The following ABLIM3 variants were observed in gnomAD, a reference collection of about 807,000 sequenced individuals.
The protein encoded by ABLIM3 is actin-binding LIM protein 3.
In ABLIM3, 61 loss-of-function variants were observed where a neutral mutation model predicts 109.5. The observed-to-expected ratio is 0.56, with a 90% confidence interval of 0.45 to 0.69. The LOEUF is 0.69. Among genes scored for constraint, ABLIM3 ranks in the 30% least tolerant of loss-of-function variants. ABLIM3 has a pLI of 0.00. For missense variants in ABLIM3, 796 were observed against 889.5 expected (o/e 0.89, Z 1.34); for synonymous variants, 300 against 324.8 (o/e 0.92, Z 0.82).
chr5:149,212,383 T>TG (rs1474641880), intron 7 of ABLIM3, among the ~76,000 whole-genome samples: 1 of 152,136 alleles, frequency 6.6e-6, no homozygotes. Context: ...TGTGACTCAC[T>TG]GGGCAAGGGA....
At chr5:149,213,519 G>C (rs1278782369) in intron 7 of ABLIM3, among the ~76,000 whole-genome samples, 1 of 152,224 alleles carries the variant, frequency 6.6e-6, no homozygotes, top group East Asian at 1.9e-4. Context: ...TTGCAGAACT[G>C]TGGGGAAGAG....
chr5:149,246,410 A>G (rs76694892), intron 16 of ABLIM3, 72 bp from the exon 17 acceptor site: 1 of 280,594 alleles, frequency 3.6e-6, no homozygotes, highest in South Asian at 5.0e-5. Flanking sequence ...TTTCTTTTTT[A>G]AAAAAAAAAT....
intron 20 of ABLIM3, among the ~76,000 whole-genome samples, chr5:149,250,921 C>T (rs1181085275): frequency 6.6e-6 from 1 of 152,190 alleles, no homozygotes; most frequent in African/African-American, 2.4e-5. Context: ...CAGCTGATCC[C>T]ACAGCCCACC....
chr5:149,208,105 A>C (rs1404246048), intron 6 of ABLIM3, among the ~76,000 whole-genome samples: 4 of 152,264 alleles, frequency 2.6e-5, no homozygotes, highest in Non-Finnish European at 5.9e-5. Flanking sequence ...TGCTGCGTTC[A>C]TGAAGAATTA....
chr5:149,224,134 G>A (rs966365587), intron 8 of ABLIM3, among the ~76,000 whole-genome samples: 1 of 152,116 alleles, frequency 6.6e-6, no homozygotes, highest in Non-Finnish European at 1.5e-5. Context: ...TTGTTATAAA[G>A]TGTGTGACAC....
chr5:149,175,344 C>T (rs1260254529), intron 2 of ABLIM3, among the ~76,000 whole-genome samples: 1 of 152,178 alleles, frequency 6.6e-6, no homozygotes. Context: ...GGGTGGCTTC[C>T]TAGCTTTTGA....
At chr5:149,156,051 A>T (rs528451051) in intron 2 of ABLIM3, among the ~76,000 whole-genome samples, 1 of 152,286 alleles carries the variant, frequency 6.6e-6, no homozygotes, top group Admixed American at 6.5e-5. Context: ...TGCGAGGGAG[A>T]GTGTGGGGAT....
chr5:149,252,241 AG>A, intron 22 of ABLIM3, 33 bp downstream of exon 22: 2 of 1,609,764 alleles, frequency 1.2e-6, no homozygotes, highest in South Asian at 2.2e-5. Flanking sequence ...GGGGGTCTCC[AG>A]GATTCTTGGA....
rs77612120 is a variant in ABLIM3 at position 149,147,101 on chromosome 5, C to T, written c.13+4993C>T. Among the ~76,000 whole-genome samples, 1,066 of 151,384 alleles carry T rather than the reference C, an allele frequency of 7.0e-3. 10 individuals are homozygous for T. Among genetic ancestry groups the T allele is most frequent in the Non-Finnish European group, 9.6e-3 (648 of 67,728 alleles). On this transcript the variant is annotated intron_variant, in intron 2 of 23. Coordinates refer to ENST00000309868, the MANE Select transcript of ABLIM3 (RefSeq NM_014945.5). The stretch of plus-strand genomic sequence containing the variant: ...TCTCTCTCTCTCTCGCTCGCTTGCT[C>T]GCTCTCTGTGTATGTGTGTGTGTGT...
rs976429811 is a variant in ABLIM3 at position 149,259,399 on chromosome 5, A to G, written c.*995A>G. ...GCTCCAACTGAACAACCAGACAGAC[A>G]ACTCTCATCATCCTCCAGAGAGAAA... On this transcript the variant is annotated 3_prime_UTR_variant, in exon 24 of 24. Coordinates refer to ENST00000309868, the MANE Select transcript of ABLIM3 (RefSeq NM_014945.5). 17 of 1,488,056 alleles carry G rather than the reference A, an allele frequency of 1.1e-5. No individual in the cohort carries two copies. Among genetic ancestry groups the G allele is most frequent in the Non-Finnish European group, 1.5e-5 (17 of 1,122,182 alleles). The allele number at this position is 1,488,056 out of a possible 1,614,324, so 92.2% of individuals were successfully genotyped here.
At position 149,247,936 on chromosome 5, in the gene ABLIM3, A is replaced by T; in HGVS notation, c.1699+7A>T. On this transcript the variant is annotated splice_region_variant and intron_variant, in intron 18 of 23. Coordinates refer to ENST00000309868, the MANE Select transcript of ABLIM3 (RefSeq NM_014945.5). Reference sequence around the variant, plus strand: ...GAGATGTCCCTCAATGGCTGTAAGCATGGCTCTGGAAGCCCAACGGGGCGG... The same window carrying T: ...GAGATGTCCCTCAATGGCTGTAAGCTTGGCTCTGGAAGCCCAACGGGGCGG... The T allele has an allele frequency of 1.2e-6, 2 of 1,613,086 alleles. No homozygotes were observed. The highest frequency in any genetic ancestry group is 1.7e-6 in the Non-Finnish European group (2 of 1,179,356).
chr5:149,197,255 C>G (rs1361675107), intron 3 of ABLIM3, among the ~76,000 whole-genome samples: 1 of 152,186 alleles, frequency 6.6e-6, no homozygotes, highest in Non-Finnish European at 1.5e-5. Context: ...AAACACCACC[C>G]CTACTTCTAG....
At chr5:149,199,126 C>T (rs1758265338) in intron 4 of ABLIM3, 2 of 456,588 alleles carry the variant, frequency 4.4e-6, no homozygotes, top group Non-Finnish European at 8.8e-6. Flanking sequence ...AGCAAGTGTA[C>T]GTTAAGACTC....
At chr5:149,171,137 A>C (rs969991612) in intron 2 of ABLIM3, among the ~76,000 whole-genome samples, 1 of 152,176 alleles carries the variant, frequency 6.6e-6, no homozygotes, top group Non-Finnish European at 1.5e-5. Context: ...CATTTATTTG[A>C]AACATATAAA....
intron 22 of ABLIM3, 114 bp from the exon 23 acceptor site, chr5:149,252,643 A>C: frequency 1.2e-6 from 1 of 800,602 alleles, no homozygotes; most frequent in Admixed American, 2.1e-5. Context: ...CTTCCTCCAG[A>C]CTTAATTTCT....
chr5:149,237,368 T>C (rs951014828), intron 10 of ABLIM3, 80 bp from the exon 11 acceptor site: 3 of 1,433,958 alleles, frequency 2.1e-6, no homozygotes, highest in African/African-American at 2.8e-5. Flanking sequence ...TCCTTCTGTA[T>C]CTTGTTTTTG....
Position 149,259,754 on chromosome 5 carries a change from T to A in ABLIM3, c.*1350T>A. ...GGGCTGTTCCTTCTTGGAGAAGCCTTGAGTCGGACCATTTTGAGATCATGG... is the reference window on the plus strand; with the variant it reads ...GGGCTGTTCCTTCTTGGAGAAGCCTAGAGTCGGACCATTTTGAGATCATGG... On this transcript the variant is annotated 3_prime_UTR_variant, in exon 24 of 24. Transcript: ENST00000309868. The A allele has an allele frequency of 1.5e-6, 1 of 675,246 alleles. No individual in the cohort carries two copies. The highest frequency in any genetic ancestry group is 2.5e-6 in the Non-Finnish European group (1 of 400,552). The allele number at this position is 675,246 out of a possible 1,614,324, so 41.8% of individuals were successfully genotyped here.
intron 23 of ABLIM3, among the ~76,000 whole-genome samples, chr5:149,257,978 A>G (rs1322731455): frequency 6.6e-6 from 1 of 152,246 alleles, no homozygotes; most frequent in Admixed American, 6.5e-5. Flanking sequence ...TCAGGCATGC[A>G]GAAAGCGGAG....
intron 2 of ABLIM3, among the ~76,000 whole-genome samples, chr5:149,168,073 C>T (rs1285453734): frequency 6.6e-6 from 1 of 152,184 alleles, no homozygotes; most frequent in African/African-American, 2.4e-5. Context: ...ACACACACAC[C>T]ATTTGTGACA....
Sources: allele counts gnomAD v4.1 joint callset (sites outside exome capture counted in the v4.1 genomes callset), GRCh38; gene constraint gnomAD v4.1.1; transcripts MANE v1.5; gene names NCBI Gene and HGNC (gene_info 2026-07-23, HGNC 2026-07-21).